Variants in DZIP3 observed in about 807,000 individuals in gnomAD.
The protein encoded by DZIP3 is E3 ubiquitin-protein ligase DZIP3.
A neutral mutation model predicts 162.0 loss-of-function variants in DZIP3; 118 were observed. The observed-to-expected ratio is 0.73, with a 90% confidence interval of 0.63 to 0.85. The LOEUF (loss-of-function observed/expected upper bound fraction) is 0.85. Among genes scored for constraint, DZIP3 ranks in the 40% least tolerant of loss-of-function variants. DZIP3 has a pLI of 0.00. For synonymous variants in DZIP3, 438 were observed against 458.6 expected (o/e 0.96, Z 0.57); for missense variants, 1,331 against 1,407.0 (o/e 0.95, Z 0.86).
chr3:108,593,676 C>CTTTT (rs79432134), intron 1 of DZIP3, among the ~76,000 whole-genome samples: 4 of 121,008 alleles, frequency 3.3e-5, no homozygotes, highest in African/African-American at 6.0e-5. Flanking sequence ...GAATTTCTTT[C>CTTTT]TTTTTTTTTT....
At chr3:108,669,114 C>T (rs1576449812) in intron 21 of DZIP3, among the ~76,000 whole-genome samples, 2 of 151,862 alleles carry the variant, frequency 1.3e-5, no homozygotes, top group East Asian at 1.9e-4. Context: ...CTGATTTATA[C>T]AAAATTTTTA....
chr3:108,672,413 G>A (rs1943955442), intron 22 of DZIP3, 147 bp from the exon 23 acceptor site: 1 of 647,454 alleles, frequency 1.5e-6, no homozygotes, highest in Admixed American at 2.8e-5. Context: ...ATTGAACAAT[G>A]TATCTTCTCT....
intron 11 of DZIP3, 76 bp downstream of exon 11, chr3:108,636,784 C>A: frequency 9.8e-7 from 1 of 1,016,462 alleles, no homozygotes; most frequent in Non-Finnish European, 1.5e-6. Flanking sequence ...TTGAAACAGA[C>A]CTGGGGATCA....
chr3:108,673,123 C>G (rs1037306701), intron 23 of DZIP3, among the ~76,000 whole-genome samples: 10 of 151,956 alleles, frequency 6.6e-5, no homozygotes, highest in Non-Finnish European at 1.0e-4. Flanking sequence ...GCTAGGGTCT[C>G]TCAAAAGAAA....
intron 24 of DZIP3, 75 bp from the exon 25 acceptor site, chr3:108,675,711 C>A: frequency 1.5e-6 from 2 of 1,292,916 alleles, no homozygotes; most frequent in Non-Finnish European, 2.1e-6. Flanking sequence ...TGCTAGAAAG[C>A]GTGATAGACA....
intron 12 of DZIP3, among the ~76,000 whole-genome samples, chr3:108,640,324 T>C (rs1942333497): frequency 1.3e-5 from 2 of 152,074 alleles, no homozygotes; most frequent in East Asian, 1.9e-4. Context: ...TATTCATTTT[T>C]TTTTTGTCTA....
At chr3:108,653,416 A>G (rs1005449733) in intron 18 of DZIP3, among the ~76,000 whole-genome samples, 1 of 150,892 alleles carries the variant, frequency 6.6e-6, no homozygotes, top group Non-Finnish European at 1.5e-5. Flanking sequence ...ATTTAGAGCT[A>G]CTAAGTAGTA....
intron 21 of DZIP3, among the ~76,000 whole-genome samples, chr3:108,666,141 A>G (rs1213616573): frequency 1.3e-5 from 2 of 152,142 alleles, no homozygotes; most frequent in Non-Finnish European, 2.9e-5. Context: ...GTGGAATTCA[A>G]TGTATGTAGA....
chr3:108,652,480 C>T lies in DZIP3; in HGVS notation c.2033+1318C>T, dbSNP rs576869372. ...TAACAACATTTTGATCAAGGACAGA[C>T]CTCAGATATGATGGTGGTCCCATAA... On this transcript the variant is annotated intron_variant, in intron 18 of 32. Coordinates refer to ENST00000361582, the MANE Select transcript of DZIP3 (RefSeq NM_014648.4). 1.1e-4 allele frequency among the ~76,000 whole-genome samples: 16 copies of T among 151,916 alleles called. 1 individual carries two copies. Among genetic ancestry groups the T allele is most frequent in the Admixed American group, 6.6e-4 (10 of 15,266 alleles).
chr3:108,675,027 T>C (rs1576457936), intron 24 of DZIP3, among the ~76,000 whole-genome samples: 1 of 152,062 alleles, frequency 6.6e-6, no homozygotes, highest in East Asian at 1.9e-4. Flanking sequence ...ATTAGGATAT[T>C]ATGGAACTTC....
intron 6 of DZIP3, among the ~76,000 whole-genome samples, chr3:108,625,110 T>C: frequency 6.6e-6 from 1 of 152,194 alleles, no homozygotes. Context: ...TAGTGTGATG[T>C]ACTAGGGAAT....
At chr3:108,616,157 AG>A (rs1441175592) in intron 4 of DZIP3, among the ~76,000 whole-genome samples, 1 of 151,978 alleles carries the variant, frequency 6.6e-6, no homozygotes, top group Non-Finnish European at 1.5e-5. Flanking sequence ...CCAGATACTC[AG>A]GAGGCTGAGG....
intron 8 of DZIP3, among the ~76,000 whole-genome samples, chr3:108,631,148 C>T (rs1243894973): frequency 1.4e-5 from 2 of 147,782 alleles, no homozygotes; most frequent in Admixed American, 1.4e-4. Flanking sequence ...TTTCCCTTCA[C>T]TCTCATCCTG....
intron 4 of DZIP3, among the ~76,000 whole-genome samples, chr3:108,614,987 T>C (rs889320997): frequency 5.9e-5 from 9 of 152,184 alleles, no homozygotes; most frequent in African/African-American, 1.4e-4. Context: ...TCTGCTTCCA[T>C]TGGAACAAAA....
intron 19 of DZIP3, among the ~76,000 whole-genome samples, chr3:108,661,668 T>A (rs1393261017): frequency 6.6e-6 from 1 of 151,662 alleles, no homozygotes; most frequent in African/African-American, 2.4e-5. Context: ...AGCATGCCGG[T>A]AGTGGTATCC....
intron 18 of DZIP3, 24 bp from the exon 19 acceptor site, chr3:108,654,121 A>C: frequency 6.2e-7 from 1 of 1,608,312 alleles, no homozygotes; most frequent in Non-Finnish European, 8.5e-7. Flanking sequence ...GTAAAAGCTC[A>C]CATTGATTAT....
intron 13 of DZIP3, 96 bp downstream of exon 13, chr3:108,642,610 T>G (rs1942452691): frequency 7.9e-7 from 1 of 1,272,612 alleles, no homozygotes; most frequent in African/African-American, 1.5e-5. Flanking sequence ...ACGTCTTTAC[T>G]GTGTTTGTCA....
chr3:108,642,797 T>G (rs151101269), intron 13 of DZIP3, among the ~76,000 whole-genome samples: 48 of 152,318 alleles, frequency 3.2e-4, no homozygotes, highest in African/African-American at 1.1e-3. Flanking sequence ...AGAGGTTTTC[T>G]ACCAACTGTT....
At chr3:108,623,594 T>C (rs968869791) in intron 5 of DZIP3, among the ~76,000 whole-genome samples, 5 of 152,158 alleles carry the variant, frequency 3.3e-5, no homozygotes, top group Non-Finnish European at 7.4e-5. Flanking sequence ...TGTGAGTTGT[T>C]TTCCCTGGAG....
Sources: allele counts gnomAD v4.1 joint callset (sites outside exome capture counted in the v4.1 genomes callset), GRCh38; gene constraint gnomAD v4.1.1; transcripts MANE v1.5; gene names NCBI Gene and HGNC (gene_info 2026-07-23, HGNC 2026-07-21).